Variants in ATM observed in about 807,000 individuals in gnomAD.
ATM encodes the protein serine-protein kinase ATM.
ATM carries 308 observed loss-of-function variants against 387.0 expected under a neutral mutation model. The ratio of observed to expected loss-of-function variants is 0.80; its 90% CI spans 0.73 to 0.87. The LOEUF (loss-of-function observed/expected upper bound fraction) is 0.87, where lower values mean the gene tolerates loss of function less well. ATM is among the 40% of genes least tolerant of loss of function. The pLI is 0.00. For missense variants in ATM, 3,312 were observed against 3,560.9 expected (o/e 0.93, Z 1.78); for synonymous variants, 1,156 against 1,187.3 (o/e 0.97, Z 0.54).
At position 108,266,355 on chromosome 11, in the gene ATM, AATC is replaced by A. The variant is rs567644803; in HGVS notation, c.2467-810_2467-808del. On this transcript the variant is annotated intron_variant, in intron 16 of 62. Coordinates refer to ENST00000675843, the MANE Select transcript of ATM (RefSeq NM_000051.4). ...TGTTAGGGACATGGATGAAATTGGA[AATC>A]ATCATTCTCAGTAAACTGTCGCAAG... Among the ~76,000 whole-genome samples, 393 of 152,116 alleles carry A rather than the reference AATC, an allele frequency of 2.6e-3. 2 individuals carry two copies. The highest frequency in any genetic ancestry group is 9.2e-3 in the African/African-American group (380 of 41,514).
At position 108,365,523 on chromosome 11, in the gene ATM, A is replaced by G; in HGVS notation, c.*15A>G. On this transcript the variant is annotated 3_prime_UTR_variant, in exon 63 of 63. Coordinates refer to ENST00000675843, the MANE Select transcript of ATM (RefSeq NM_000051.4). ...CTTGGGTGTGATCTTCAGTATATGA[A>G]TTACCCTTTCATTCAGCCTTTAGAA... 6.2e-7 allele frequency: 1 copy of G among 1,613,418 alleles called. No homozygotes were observed. The highest frequency in any genetic ancestry group is 8.5e-7 in the Non-Finnish European group (1 of 1,179,568).
chr11:108,347,401 T>C (rs755750695), intron 59 of ATM, 36 bp downstream of exon 59: 2 of 1,483,162 alleles, frequency 1.3e-6, no homozygotes, highest in East Asian at 2.3e-5. Context: ...TTCTTTTTAG[T>C]AAATATTTGG....
intron 43 of ATM, among the ~76,000 whole-genome samples, chr11:108,318,430 C>G (rs1451750944): frequency 6.6e-6 from 1 of 152,088 alleles, no homozygotes; most frequent in Non-Finnish European, 1.5e-5. Flanking sequence ...GTGGCTCACA[C>G]CTGTAATCCC....
At chr11:108,229,534 T>G (rs960501736) in intron 4 of ATM, 1 of 498,652 alleles carries the variant, frequency 2.0e-6, no homozygotes, top group Non-Finnish European at 3.5e-6. Flanking sequence ...AGTGGGAGTT[T>G]AGAAGGAACA....
At chr11:108,293,000 T>G (rs1468226735) in intron 30 of ATM, among the ~76,000 whole-genome samples, 1 of 152,196 alleles carries the variant, frequency 6.6e-6, no homozygotes, top group Admixed American at 6.5e-5. Context: ...TCTACTGTGC[T>G]GAAGTAGAGA....
chr11:108,307,310 C>G (rs1192963333), intron 37 of ATM, among the ~76,000 whole-genome samples: 1 of 151,968 alleles, frequency 6.6e-6, no homozygotes, highest in Non-Finnish European at 1.5e-5. Context: ...CCAGCATGCC[C>G]TGCTAATTTT....
chr11:108,247,131 C>T lies in ATM; in HGVS notation c.1065+4C>T, dbSNP rs1591511595. 3 of 1,613,320 alleles carry T rather than the reference C, an allele frequency of 1.9e-6. No individual in the cohort carries two copies. The highest frequency in any genetic ancestry group is 2.2e-5 in the East Asian group (1 of 44,796). On this transcript the variant is annotated splice_donor_region_variant and intron_variant, in intron 8 of 62. Coordinates refer to ENST00000675843, the MANE Select transcript of ATM (RefSeq NM_000051.4). ...GATGGCAGATATCTGTCACCAGGTA[C>T]AGTAAGTAGGTCATGTCACATTTAG...
chr11:108,298,890 A>G (rs1197804736), intron 33 of ATM, among the ~76,000 whole-genome samples: 2 of 152,378 alleles, frequency 1.3e-5, no homozygotes, highest in East Asian at 3.9e-4. Flanking sequence ...TGTATATACT[A>G]GCAGTGCACA....
chr11:108,358,650 TAAAG>T (rs970001627), intron 61 of ATM, among the ~76,000 whole-genome samples: 1 of 144,638 alleles, frequency 6.9e-6, no homozygotes, highest in Non-Finnish European at 1.5e-5. Context: ...TCAACATTCT[TAAAG>T]AAAAGAATTT....
intron 16 of ATM, among the ~76,000 whole-genome samples, chr11:108,260,433 G>C (rs1404846577): frequency 1.3e-5 from 2 of 152,126 alleles, no homozygotes; most frequent in African/African-American, 2.4e-5. Flanking sequence ...TTGTCTATTT[G>C]TATTTGTGTG....
At chr11:108,331,363 C>G in intron 50 of ATM, 81 bp from the exon 51 acceptor site, 1 of 1,531,296 alleles carries the variant, frequency 6.5e-7, no homozygotes, top group Non-Finnish European at 8.8e-7. Context: ...GGAGCACTGT[C>G]TTAAAATAAC....
chr11:108,307,838 G>A (rs2135973541), intron 37 of ATM, 59 bp from the exon 38 acceptor site: 2 of 1,442,392 alleles, frequency 1.4e-6, no homozygotes, highest in Non-Finnish European at 1.9e-6. Context: ...TAAACAAGAA[G>A]GAAGAAGGTG....
rs755418571 is a variant in ATM, at chr11:108,330,263, C to T, written c.7357C>T (p.Arg2453Cys). Residue 2453 changes from arginine to cysteine, a missense_variant, in exon 50 of 63, where the codon CGT (arginine) becomes TGT (cysteine). Transcript: ENST00000675843. ...RELELDELALRALKEDRKRFL... is the reference protein window; with the variant it reads ...RELELDELALCALKEDRKRFL... ...GCTGGAGTTGGATGAATTAGCCCTG[C>T]GTGCACTGAAAGAGGATCGTAAACG... is the stretch of plus-strand genomic sequence containing the variant. 1.6e-5 allele frequency: 26 copies of T among 1,614,000 alleles called. No homozygotes were observed. Among genetic ancestry groups the T allele is most frequent in the East Asian group, 2.2e-5 (1 of 44,878 alleles).
chr11:108,295,301 C>G, intron 32 of ATM: 1 of 422,158 alleles, frequency 2.4e-6, no homozygotes, highest in Non-Finnish European at 4.2e-6. Flanking sequence ...TCATGTTTTT[C>G]TACTGCCTAA....
intron 13 of ATM, among the ~76,000 whole-genome samples, chr11:108,255,004 CAGTT>C (rs2080385798): frequency 6.6e-6 from 1 of 152,140 alleles, no homozygotes; most frequent in East Asian, 1.9e-4. Flanking sequence ...TTTTTAATGG[CAGTT>C]AGCATCTTCT....
rs376158749 is a variant in ATM at position 108,317,615 on chromosome 11, TTATATATATATATATATA to T, written c.6347+115_6347+132del. ...TTCTATGAATATAACAGGAGTTGTT[TTATATATATATATATATA>T]TATATATATATATATATATACACAC... On this transcript the variant is annotated intron_variant, in intron 43 of 62. Coordinates refer to ENST00000675843, the MANE Select transcript of ATM (RefSeq NM_000051.4). The T allele has an allele frequency of 2.7e-4, 59 of 215,366 alleles. 4 individuals carry two copies. Among genetic ancestry groups the T allele is most frequent in the African/African-American group, 6.9e-4 (15 of 21,732 alleles). 13.3% of individuals were successfully genotyped at this position (215,366 alleles called of 1,614,324 possible).
At chr11:108,275,495 G>T (rs888124987) in intron 22 of ATM, among the ~76,000 whole-genome samples, 3 of 152,180 alleles carry the variant, frequency 2.0e-5, no homozygotes, top group Admixed American at 1.3e-4. Flanking sequence ...TGCAGTGGCT[G>T]GTACCAGCTT....
chr11:108,352,395 T>G (rs1281290432), intron 59 of ATM, among the ~76,000 whole-genome samples: 2 of 152,096 alleles, frequency 1.3e-5, no homozygotes, highest in African/African-American at 4.8e-5. Context: ...ATAAAAAATT[T>G]CAACTGCAGA....
intron 5 of ATM, 167 bp downstream of exon 5, chr11:108,236,001 A>G: frequency 1.4e-6 from 1 of 714,804 alleles, no homozygotes. Context: ...TTTATTTATT[A>G]TGTAGCTTTT....
Sources: gnomAD v4.1 joint callset for allele counts (sites outside exome capture counted in the v4.1 genomes callset) on GRCh38, gnomAD v4.1.1 for gene constraint, MANE v1.5 for transcripts, NCBI Gene and HGNC (gene_info 2026-07-23, HGNC 2026-07-21) for gene names.